Variants in EML4 observed in about 807,000 individuals in gnomAD.
The protein encoded by EML4 is EMAP like 4, also known as echinoderm microtubule-associated protein-like 4.
In EML4, 72 loss-of-function variants were observed where a neutral mutation model predicts 129.0. That is an observed-to-expected ratio of 0.56 (90% CI 0.46 to 0.68). The LOEUF (loss-of-function observed/expected upper bound fraction) is 0.68, where lower values mean the gene tolerates loss of function less well. Ranked by LOEUF, EML4 falls within the 30% of genes least tolerant of loss-of-function variation. The probability of loss-of-function intolerance (pLI) is 0.00; values close to 1 mark genes in which losing one functional copy is unlikely to be tolerated. For synonymous variants in EML4, 532 were observed against 405.0 expected (o/e 1.31, Z -3.77); for missense variants, 1,363 against 1,190.6 (o/e 1.14, Z -2.13).
intron 1 of EML4, among the ~76,000 whole-genome samples, chr2:42,217,314 G>A (rs1245848148): frequency 6.6e-6 from 1 of 152,044 alleles, no homozygotes; most frequent in Non-Finnish European, 1.5e-5. Flanking sequence ...CATCAAGGCA[G>A]TTGAGTCTCT....
intron 1 of EML4, among the ~76,000 whole-genome samples, chr2:42,183,220 C>A (rs1260925295): frequency 6.6e-6 from 1 of 152,140 alleles, no homozygotes; most frequent in Non-Finnish European, 1.5e-5. Context: ...TGCTACATGC[C>A]AGGCATTGTT....
chr2:42,293,520 A>AG lies in EML4; in HGVS notation c.1219-1604dup, dbSNP rs761201969. Among the ~76,000 whole-genome samples the AG allele has an allele frequency of 8.4e-4, 128 of 152,392 alleles. No individual in the cohort carries two copies. The Middle Eastern group carries it at 0.02, about 24-fold the overall frequency. ...ATATTGGAACTGTGAGGGAAAAAAA[A>AG]GAATTTACAACAACCGTTTCAAGTG... is the stretch of plus-strand genomic sequence containing the variant. On this transcript the variant is annotated intron_variant, in intron 11 of 22. Transcript: ENST00000318522.
At chr2:42,246,155 C>T (rs976897741) in intron 2 of EML4, among the ~76,000 whole-genome samples, 2 of 152,182 alleles carry the variant, frequency 1.3e-5, no homozygotes, top group Non-Finnish European at 2.9e-5. Context: ...AGCTCTGAAG[C>T]TTACGAGCCC....
chr2:42,294,880 A>G (rs1454407100), intron 11 of EML4, among the ~76,000 whole-genome samples: 2 of 152,338 alleles, frequency 1.3e-5, no homozygotes, highest in Middle Eastern at 3.4e-3. Flanking sequence ...AGGTATTCAT[A>G]TAAGTGTCTT....
In EML4 at chr2:42,329,951, C is replaced by G; in HGVS notation, c.2690C>G (p.Thr897Ser). 1 of 1,614,020 alleles carries G rather than the reference C, an allele frequency of 6.2e-7. No individual in the cohort carries two copies. ...SSTESVIQSNTPTPPPSQPLN... is the reference protein window; with the variant it reads ...SSTESVIQSNSPTPPPSQPLN... Reference sequence around the variant, plus strand: ...ACTGAAAGTGTCATCCAATCTAATACTCCCACACCGCCTCCTTCTCAGCCC... The same window carrying G: ...ACTGAAAGTGTCATCCAATCTAATAGTCCCACACCGCCTCCTTCTCAGCCC... Residue 897 changes from threonine to serine, a missense_variant, in exon 23 of 23, where the codon ACT becomes AGT. Physicochemically the swap from Thr to Ser is moderately conservative, Grantham distance 58 (BLOSUM62 1). Coordinates refer to ENST00000318522, the MANE Select transcript of EML4 (RefSeq NM_019063.5).
At chr2:42,322,356 C>T (rs535272331) in intron 19 of EML4, among the ~76,000 whole-genome samples, 1 of 152,338 alleles carries the variant, frequency 6.6e-6, no homozygotes, top group East Asian at 1.9e-4. Flanking sequence ...TGCACTGATA[C>T]AGATATTTTT....
chr2:42,327,092 T>G (rs1425617770), intron 21 of EML4, among the ~76,000 whole-genome samples: 3 of 152,210 alleles, frequency 2.0e-5, no homozygotes, highest in Non-Finnish European at 4.4e-5. Context: ...AGGGGAATCA[T>G]ACAATATTTG....
At chr2:42,314,686 T>C (rs1034572893) in intron 17 of EML4, among the ~76,000 whole-genome samples, 7 of 152,202 alleles carry the variant, frequency 4.6e-5, no homozygotes, top group African/African-American at 1.4e-4. Context: ...TCTGCAGATA[T>C]TTAGTGCCTA....
intron 7 of EML4, among the ~76,000 whole-genome samples, chr2:42,281,600 C>G (rs1436342446): frequency 6.6e-6 from 1 of 152,158 alleles, no homozygotes. Flanking sequence ...CCTTAACTTT[C>G]TTTACTTATA....
intron 2 of EML4, among the ~76,000 whole-genome samples, chr2:42,255,374 G>A (rs555551802): frequency 8.5e-5 from 13 of 152,242 alleles, no homozygotes; most frequent in South Asian, 4.2e-4. Flanking sequence ...CTGAGCCACC[G>A]CGCCCAGCCA....
chr2:42,303,512 A>G (rs1668414811), intron 16 of EML4, 66 bp downstream of exon 16: 2 of 1,558,598 alleles, frequency 1.3e-6, no homozygotes, highest in Non-Finnish European at 1.8e-6. Flanking sequence ...AGTTGAGAGC[A>G]GCAAAGTAAA....
At chr2:42,217,840 A>G (rs992948788) in intron 1 of EML4, among the ~76,000 whole-genome samples, 1 of 152,170 alleles carries the variant, frequency 6.6e-6, no homozygotes, top group Admixed American at 6.5e-5. Context: ...CCTTTTAAAT[A>G]TGTAGATTTA....
intron 19 of EML4, chr2:42,319,420 T>G (rs1669407347): frequency 6.6e-6 from 1 of 152,234 alleles, no homozygotes; most frequent in South Asian, 2.1e-4. Context: ...AAGAAAGTAT[T>G]AATTTGAGAT....
rs778510537 is a variant in EML4 at position 42,331,401 on chromosome 2, G to T, written c.*1194G>T. 2 of 224,444 alleles carry T rather than the reference G, an allele frequency of 8.9e-6. No homozygotes were observed. Among genetic ancestry groups the T allele is most frequent in the Non-Finnish European group, 1.8e-5 (2 of 112,396 alleles). 13.9% of individuals were successfully genotyped at this position (224,444 alleles called of 1,614,324 possible). On this transcript the variant is annotated 3_prime_UTR_variant, in exon 23 of 23. Transcript: ENST00000318522. ...TGGGCAATGCATGTATTATGCATTG[G>T]AAAGGTATTTTTTTTAAGTTCTGTT...
intron 1 of EML4, among the ~76,000 whole-genome samples, chr2:42,209,798 G>C (rs573501486): frequency 6.6e-6 from 1 of 151,938 alleles, no homozygotes; most frequent in Admixed American, 6.6e-5. Flanking sequence ...GCATAGCGAC[G>C]AGTGCCTGTA....
intron 1 of EML4, among the ~76,000 whole-genome samples, chr2:42,184,194 T>C (rs1671111544): frequency 1.3e-5 from 2 of 152,206 alleles, no homozygotes; most frequent in South Asian, 4.1e-4. Flanking sequence ...AACCTGTATA[T>C]GGCCACCAGG....
At position 42,330,664 on chromosome 2, in the gene EML4, C is replaced by G; in HGVS notation, c.*457C>G. ...GAAAAAGAAACCAGAAAAAAATGTA[C>G]TCTTACTGAGATACCCTCTCACCCC... On this transcript the variant is annotated 3_prime_UTR_variant, in exon 23 of 23. Coordinates refer to ENST00000318522, the MANE Select transcript of EML4 (RefSeq NM_019063.5). 1 of 263,306 alleles carries G rather than the reference C, an allele frequency of 3.8e-6. No individual in the cohort carries two copies. Among genetic ancestry groups the G allele is most frequent in the Non-Finnish European group, 7.4e-6 (1 of 135,734 alleles). The allele number at this position is 263,306 out of a possible 1,614,324, so 16.3% of individuals were successfully genotyped here.
In EML4 at chr2:42,330,510, T is replaced by C; in HGVS notation, c.*303T>C. On this transcript the variant is annotated 3_prime_UTR_variant, in exon 23 of 23. Coordinates refer to ENST00000318522, the MANE Select transcript of EML4 (RefSeq NM_019063.5). The stretch of plus-strand genomic sequence containing the variant: ...TAAATACTGGAAACAAAAACAGCAG[T>C]TGCATTGATTTTGAAAACAAACCCC... The C allele has an allele frequency of 2.1e-6, 1 of 483,256 alleles. No homozygotes were observed. Among genetic ancestry groups the C allele is most frequent in the East Asian group, 3.7e-5 (1 of 27,164 alleles). The allele number at this position is 483,256 out of a possible 1,614,324, so 29.9% of individuals were successfully genotyped here.
At chr2:42,309,364 A>ATG (rs1310811511) in intron 17 of EML4, among the ~76,000 whole-genome samples, 1 of 150,374 alleles carries the variant, frequency 6.7e-6, no homozygotes, top group African/African-American at 2.4e-5. Flanking sequence ...GTGAGCTATG[A>ATG]TGGCACCACT....
Sources: gnomAD v4.1 joint callset for allele counts (sites outside exome capture counted in the v4.1 genomes callset) on GRCh38, gnomAD v4.1.1 for gene constraint, MANE v1.5 for transcripts, NCBI Gene and HGNC (gene_info 2026-07-23, HGNC 2026-07-21) for gene names.